PCDHGA9: variants seen among roughly 807,000 people sequenced by gnomAD.
The protein encoded by PCDHGA9 is protocadherin gamma-A9.
PCDHGA9 carries 37 observed loss-of-function variants against 62.5 expected under a neutral mutation model. The ratio of observed to expected loss-of-function variants is 0.59; its 90% CI spans 0.46 to 0.78. PCDHGA9 has a LOEUF of 0.78. PCDHGA9 is among the 30% of genes least tolerant of loss of function. The probability of loss-of-function intolerance (pLI) is 0.00; values close to 1 mark genes in which losing one functional copy is unlikely to be tolerated. For missense variants in PCDHGA9, 1,138 were observed against 1,166.2 expected (o/e 0.98, Z 0.35); for synonymous variants, 459 against 484.6 (o/e 0.95, Z 0.69).
In PCDHGA9 at chr5:141,408,459, T is replaced by A; in HGVS notation, c.2424+3083T>A. 5 of 1,613,950 alleles carry A rather than the reference T, an allele frequency of 3.1e-6. No homozygotes were observed. The East Asian group carries it at 1.1e-4, about 36-fold the overall frequency. Reference sequence around the variant, plus strand: ...GACGCGGAGAGCGGGGACTTACTTGTGAAGAACCGAATAGACCGTGAGCAA... The same window carrying A: ...GACGCGGAGAGCGGGGACTTACTTGAGAAGAACCGAATAGACCGTGAGCAA... On this transcript the variant is annotated intron_variant, in intron 1 of 3. Transcript: ENST00000573521.
intron 1 of PCDHGA9, among the ~76,000 whole-genome samples, chr5:141,424,906 A>T (rs1417615946): frequency 5.9e-5 from 9 of 152,212 alleles, no homozygotes. Context: ...GATCACAGGA[A>T]TCATTTCCAT....
chr5:141,423,213 C>A, intron 1 of PCDHGA9: 1 of 1,613,710 alleles, frequency 6.2e-7, no homozygotes, highest in Non-Finnish European at 8.5e-7. Flanking sequence ...TCACGCTCAC[C>A]GTGGCTGTGG....
In PCDHGA9 at chr5:141,431,243, A is replaced by G; in HGVS notation, c.2424+25867A>G. 1 of 1,614,154 alleles carries G rather than the reference A, an allele frequency of 6.2e-7. No homozygotes were observed. Among genetic ancestry groups the G allele is most frequent in the Non-Finnish European group, 8.5e-7 (1 of 1,180,034 alleles). ...TCTACCCCACGCCTGGGATCCGGAT[A>G]TCGGGAAGAACTCTCTGCAGAGCTA... On this transcript the variant is annotated intron_variant, in intron 1 of 3. Coordinates refer to ENST00000573521, the MANE Select transcript of PCDHGA9 (RefSeq NM_018921.3). This position sits in a 1 kb window ranked among gnomAD's most constrained non-coding sequence, Gnocchi z 4.8.
chr5:141,496,839 A>G (rs2099771783), intron 2 of PCDHGA9, among the ~76,000 whole-genome samples: 1 of 151,484 alleles, frequency 6.6e-6, no homozygotes. Flanking sequence ...CAGAACTCAT[A>G]GGCTTCCAGA....
rs568472427 is a variant in PCDHGA9, at chr5:141,460,924, A to G, written c.2425-33883A>G. 3.3e-4 allele frequency among the ~76,000 whole-genome samples: 50 copies of G among 150,592 alleles called. No homozygotes were observed. The East Asian group carries it at 6.6e-3, about 20-fold the overall frequency. Reference sequence around the variant, plus strand: ...AATATTCCATGGTGTATATATATATATGTGTGTGTGTATATATATGTATTA... The same window carrying G: ...AATATTCCATGGTGTATATATATATGTGTGTGTGTGTATATATATGTATTA... On this transcript the variant is annotated intron_variant, in intron 1 of 3. Coordinates refer to ENST00000573521, the MANE Select transcript of PCDHGA9 (RefSeq NM_018921.3).
At chr5:141,405,499 A>C in intron 1 of PCDHGA9, 123 bp downstream of exon 1, 9 of 782,122 alleles carry the variant, frequency 1.2e-5, no homozygotes, top group Non-Finnish European at 1.8e-5. Context: ...GGCTCATTGC[A>C]ACCTCCGCCT....
At chr5:141,424,357 G>A (rs1171882619) in intron 1 of PCDHGA9, 1 of 152,122 alleles carries the variant, frequency 6.6e-6, no homozygotes, top group Non-Finnish European at 1.5e-5. Context: ...ATAAAATTTA[G>A]ATCACATTTT....
chr5:141,437,058 T>C (rs539776847), intron 1 of PCDHGA9, among the ~76,000 whole-genome samples: 2 of 152,246 alleles, frequency 1.3e-5, no homozygotes, highest in Non-Finnish European at 2.9e-5. Context: ...CTGGTGATCA[T>C]TATTTGGTTT....
At chr5:141,438,591 C>CATATATATATATAT (rs946798767) in intron 1 of PCDHGA9, among the ~76,000 whole-genome samples, 3 of 75,556 alleles carry the variant, frequency 4.0e-5, no homozygotes, top group Non-Finnish European at 8.0e-5. Context: ...TACATACATA[C>CATATATATATATAT]ATATATATAT....
chr5:141,458,292 T>C (rs2098941901), intron 1 of PCDHGA9, among the ~76,000 whole-genome samples: 1 of 152,146 alleles, frequency 6.6e-6, no homozygotes, highest in Admixed American at 6.5e-5. Flanking sequence ...GTCCTCATGC[T>C]GGTTTAGATA....
intron 1 of PCDHGA9, among the ~76,000 whole-genome samples, chr5:141,442,810 T>C (rs2098345227): frequency 6.6e-6 from 1 of 152,222 alleles, no homozygotes; most frequent in Non-Finnish European, 1.5e-5. Context: ...ATTCAAATTG[T>C]ACTGATCCAA....
At chr5:141,473,735 A>G (rs529416084) in intron 1 of PCDHGA9, among the ~76,000 whole-genome samples, 75 of 152,352 alleles carry the variant, frequency 4.9e-4, no homozygotes, top group African/African-American at 1.6e-3. Context: ...GAGAGGGAGA[A>G]GACATGAGAA....
At chr5:141,406,072 C>CTT (rs530474569) in intron 1 of PCDHGA9, among the ~76,000 whole-genome samples, 28 of 141,510 alleles carry the variant, frequency 2.0e-4, no homozygotes, top group East Asian at 4.1e-4. Context: ...ATTCTTACTC[C>CTT]TTTTTTTTTT....
In PCDHGA9 at chr5:141,489,576, C is replaced by T; in HGVS notation, c.2425-5231C>T. 1.9e-6 allele frequency: 3 copies of T among 1,614,054 alleles called. No individual in the cohort carries two copies. Among genetic ancestry groups the T allele is most frequent in the Non-Finnish European group, 2.5e-6 (3 of 1,179,976 alleles). Reference sequence around the variant, plus strand: ...TGCCAGTGCAGGTGGTGACTGAACACCCCCTGGAGCTAATCCGTGTAGAGG... The same window carrying T: ...TGCCAGTGCAGGTGGTGACTGAACATCCCCTGGAGCTAATCCGTGTAGAGG... On this transcript the variant is annotated intron_variant, in intron 1 of 3. Coordinates refer to ENST00000573521, the MANE Select transcript of PCDHGA9 (RefSeq NM_018921.3). This position sits in a 1 kb window ranked among gnomAD's most constrained non-coding sequence, Gnocchi z 4.5.
intron 2 of PCDHGA9, among the ~76,000 whole-genome samples, chr5:141,498,068 A>G (rs765582921): frequency 6.6e-6 from 1 of 152,244 alleles, no homozygotes; most frequent in Non-Finnish European, 1.5e-5. Context: ...TGAAACTGTC[A>G]TAAGTGCTAG....
At position 141,491,291 on chromosome 5, in the gene PCDHGA9, C is replaced by G; in HGVS notation, c.2425-3516C>G. On this transcript the variant is annotated intron_variant, in intron 1 of 3. Coordinates refer to ENST00000573521, the MANE Select transcript of PCDHGA9 (RefSeq NM_018921.3). The surrounding 1 kb of genome is among the most constrained non-coding windows in gnomAD (Gnocchi z 6.9). ...AAATCCAGTGACTTCCTCATACACCCTCCTGAGCGTTCAGACCTTACCCTT... is the reference window on the plus strand; with the variant it reads ...AAATCCAGTGACTTCCTCATACACCGTCCTGAGCGTTCAGACCTTACCCTT... 2 of 1,614,152 alleles carry G rather than the reference C, an allele frequency of 1.2e-6. No homozygotes were observed. The highest frequency in any genetic ancestry group is 1.7e-6 in the Non-Finnish European group (2 of 1,179,974).
At chr5:141,419,797 A>G (rs371201079) in intron 1 of PCDHGA9, 14 of 1,613,920 alleles carry the variant, frequency 8.7e-6, no homozygotes, top group Non-Finnish European at 1.1e-5. Flanking sequence ...TAGTCGCTGT[A>G]AGAGATGGAG....
chr5:141,485,511 C>G lies in PCDHGA9; in HGVS notation c.2425-9296C>G, dbSNP rs1168331122. The G allele has an allele frequency of 1.2e-6, 2 of 1,614,042 alleles. No individual in the cohort carries two copies. Among genetic ancestry groups the G allele is most frequent in the Non-Finnish European group, 1.7e-6 (2 of 1,180,038 alleles). On this transcript the variant is annotated intron_variant, in intron 1 of 3. Transcript: ENST00000573521. The surrounding 1 kb of genome is among the most constrained non-coding windows in gnomAD (Gnocchi z 5.7). Reference sequence around the variant, plus strand: ...CCCCTGGAGTTTGTCACCGAAGGTCCTTTGGAAATGTACCGAGCAGAGGTA... The same window carrying G: ...CCCCTGGAGTTTGTCACCGAAGGTCGTTTGGAAATGTACCGAGCAGAGGTA...
At position 141,505,629 on chromosome 5, in the gene PCDHGA9, C is replaced by T. The variant is rs1475582931; in HGVS notation, c.2572+148C>T. 7.4e-6 allele frequency: 11 copies of T among 1,482,192 alleles called. No individual in the cohort carries two copies. The African/African-American group carries it at 9.8e-5, about 13-fold the overall frequency. The allele number at this position is 1,482,192 out of a possible 1,614,324, so 91.8% of individuals were successfully genotyped here. ...GTCTGAAAGGACCCACAATTCCAAACATAAAGCCTGGAATTGTGGCTAAGG... is the reference window on the plus strand; with the variant it reads ...GTCTGAAAGGACCCACAATTCCAAATATAAAGCCTGGAATTGTGGCTAAGG... On this transcript the variant is annotated intron_variant, in intron 3 of 3. Coordinates refer to ENST00000573521, the MANE Select transcript of PCDHGA9 (RefSeq NM_018921.3).
Sources: gnomAD v4.1 joint callset for allele counts (sites outside exome capture counted in the v4.1 genomes callset) on GRCh38, gnomAD v4.1.1 for gene constraint, Gnocchi (gnomAD v3.1) non-coding constraint, MANE v1.5 for transcripts, NCBI Gene and HGNC (gene_info 2026-07-23, HGNC 2026-07-21) for gene names.